Variants in PTPRN2 observed in about 807,000 individuals in gnomAD.
PTPRN2 encodes the protein protein tyrosine phosphatase receptor type N2.
A neutral mutation model predicts 118.8 loss-of-function variants in PTPRN2; 74 were observed. That is an observed-to-expected ratio of 0.62 (90% CI 0.52 to 0.76). PTPRN2 has a LOEUF of 0.76. Among genes scored for constraint, PTPRN2 ranks in the 30% least tolerant of loss-of-function variants. The pLI is 0.00. For missense variants in PTPRN2, 1,481 were observed against 1,394.4 expected (o/e 1.06, Z -0.99); for synonymous variants, 641 against 608.0 (o/e 1.05, Z -0.80).
intron 11 of PTPRN2, among the ~76,000 whole-genome samples, chr7:157,915,864 T>C (rs535772682): frequency 6.6e-6 from 1 of 152,304 alleles, no homozygotes; most frequent in East Asian, 1.9e-4. Flanking sequence ...GTTTTTGGAA[T>C]GAGGGTGAGT....
chr7:158,279,523 G>A (rs921488054), intron 3 of PTPRN2, among the ~76,000 whole-genome samples: 1 of 152,208 alleles, frequency 6.6e-6, no homozygotes, highest in Non-Finnish European at 1.5e-5. Flanking sequence ...GAAAGAGACA[G>A]AGACCCACCA....
At chr7:158,368,697 G>T (rs1809720879) in intron 2 of PTPRN2, among the ~76,000 whole-genome samples, 1 of 152,206 alleles carries the variant, frequency 6.6e-6, no homozygotes, top group Non-Finnish European at 1.5e-5. Context: ...ACAGCACTCA[G>T]CCCCCTCCCC....
chr7:158,423,512 CT>C, intron 2 of PTPRN2, among the ~76,000 whole-genome samples: 1 of 151,482 alleles, frequency 6.6e-6, no homozygotes, highest in South Asian at 2.1e-4. Context: ...GGGAAGAGGT[CT>C]CAGAGATTAG....
chr7:158,087,495 A>G (rs1208101663), intron 10 of PTPRN2, among the ~76,000 whole-genome samples: 2 of 152,236 alleles, frequency 1.3e-5, no homozygotes, highest in African/African-American at 2.4e-5. Flanking sequence ...TGACAGTCAA[A>G]TTCACTTACC....
In PTPRN2 at chr7:157,845,806, T is replaced by A. The variant is rs1808765751; in HGVS notation, c.1788+52867A>T. Among the ~76,000 whole-genome samples, 1 of 151,780 alleles carries A rather than the reference T, an allele frequency of 6.6e-6. No homozygotes were observed. Among genetic ancestry groups the A allele is most frequent in the African/African-American group, 2.4e-5 (1 of 41,296 alleles). ...ATGGGCAGAGGAAGGACAAGCAACG[T>A]GGGGCCATGGGGAGGGACGGAAGAC... On this transcript the variant is annotated intron_variant, in intron 12 of 22. Transcript: ENST00000389418. The surrounding 1 kb of genome is among the most constrained non-coding windows in gnomAD (Gnocchi z 4.5).
intron 12 of PTPRN2, among the ~76,000 whole-genome samples, chr7:157,752,014 C>A (rs909563911): frequency 6.6e-6 from 1 of 152,160 alleles, no homozygotes; most frequent in Non-Finnish European, 1.5e-5. Context: ...GATTTCTTGA[C>A]CCCTGAGGGT....
intron 16 of PTPRN2, among the ~76,000 whole-genome samples, chr7:157,595,813 A>G (rs1404573336): frequency 6.6e-6 from 1 of 152,228 alleles, no homozygotes; most frequent in Non-Finnish European, 1.5e-5. Flanking sequence ...GTAGGGACCC[A>G]GCTGTCCCGA....
At chr7:158,542,146 T>C (rs1335616918) in intron 1 of PTPRN2, among the ~76,000 whole-genome samples, 1 of 152,144 alleles carries the variant, frequency 6.6e-6, no homozygotes, top group African/African-American at 2.4e-5. Context: ...TTTTTTGTTG[T>C]TGTTGTTTTG....
rs375695889 is a variant in PTPRN2 at position 157,578,160 on chromosome 7, G to A, written c.2497-20C>T. On this transcript the variant is annotated intron_variant, in intron 17 of 22. Transcript: ENST00000389418. ...CACCATCTGCGGACAAAGAAGGCCC[G>A]TGGCCGCGGTGTGACTGTCTCATCA... is the stretch of plus-strand genomic sequence containing the variant. 1.2e-5 allele frequency: 19 copies of A among 1,593,890 alleles called. No individual in the cohort carries two copies. The highest frequency in any genetic ancestry group is 1.5e-5 in the Non-Finnish European group (18 of 1,167,330).
intron 12 of PTPRN2, among the ~76,000 whole-genome samples, chr7:157,877,215 C>G (rs1205329254): frequency 7.0e-6 from 1 of 142,598 alleles, no homozygotes; most frequent in African/African-American, 2.6e-5. Flanking sequence ...AGTGCAGCAC[C>G]AGGGTTTTCT....
intron 2 of PTPRN2, among the ~76,000 whole-genome samples, chr7:158,362,026 G>A (rs1011522210): frequency 3.3e-5 from 5 of 152,056 alleles, no homozygotes; most frequent in Admixed American, 2.0e-4. Flanking sequence ...TCTTTCCTCC[G>A]TCTGTCTGTC....
intron 3 of PTPRN2, among the ~76,000 whole-genome samples, chr7:158,251,815 GACAC>G (rs974790720): frequency 6.6e-6 from 1 of 152,094 alleles, no homozygotes; most frequent in Non-Finnish European, 1.5e-5. Context: ...ATAGAGCACA[GACAC>G]ACACCTTAAT....
intron 2 of PTPRN2, among the ~76,000 whole-genome samples, chr7:158,388,546 C>A (rs1305330687): frequency 6.6e-6 from 1 of 152,230 alleles, no homozygotes; most frequent in East Asian, 1.9e-4. Context: ...ACACGTCACA[C>A]CTGCCCTGGG....
At chr7:157,711,393 C>T (rs1302387184) in intron 12 of PTPRN2, among the ~76,000 whole-genome samples, 1 of 133,426 alleles carries the variant, frequency 7.5e-6, no homozygotes, top group Non-Finnish European at 1.6e-5. Flanking sequence ...GAGAGCCCCA[C>T]GCGCCGGAGG....
At chr7:157,724,068 C>T (rs936313498) in intron 12 of PTPRN2, among the ~76,000 whole-genome samples, 2 of 151,980 alleles carry the variant, frequency 1.3e-5, no homozygotes, top group East Asian at 3.9e-4. Context: ...GGAATTTAGG[C>T]TTCCCCCGTC....
rs567445854 is a variant in PTPRN2 at position 158,307,519 on chromosome 7, A to G, written c.277+9300T>C. The stretch of plus-strand genomic sequence containing the variant: ...AAGAATGAGGTAGAAAGAATATTTG[A>G]AGAAATAATGACCCAAAATTCCCAA... On this transcript the variant is annotated intron_variant, in intron 3 of 22. Transcript: ENST00000389418. Among the ~76,000 whole-genome samples the G allele has an allele frequency of 5.9e-5, 9 of 152,326 alleles. No individual in the cohort carries two copies. In the East Asian group the frequency reaches 1.7e-3, roughly 29 times the overall value.
intron 6 of PTPRN2, among the ~76,000 whole-genome samples, chr7:158,154,158 C>T (rs1260604159): frequency 6.6e-6 from 1 of 152,108 alleles, no homozygotes; most frequent in Admixed American, 6.6e-5. Flanking sequence ...GGCAGAAACC[C>T]TAAAAGATTC....
Position 158,361,317 on chromosome 7 carries a change from C to A in PTPRN2, c.164-44385G>T, listed in dbSNP as rs1808929848. On this transcript the variant is annotated intron_variant, in intron 2 of 22. Transcript: ENST00000389418. ...CCTGGCAACCCACAGACCCCGTGTC[C>A]ACCCTCACCTGGGACGACTCACAAA... Among the ~76,000 whole-genome samples, 14 of 80,410 alleles carry A rather than the reference C, an allele frequency of 1.7e-4. 5 individuals are homozygous for A. The highest frequency in any genetic ancestry group is 1.3e-3 in the South Asian group (2 of 1,582). The allele number at this position is 80,410 out of a possible 152,430, so 52.8% of individuals were successfully genotyped here. A position where few individuals can be genotyped will look rare whatever the true frequency, so the allele number is the denominator to read the frequency against.
At chr7:158,123,407 G>A (rs372254788) in intron 9 of PTPRN2, among the ~76,000 whole-genome samples, 39 of 152,242 alleles carry the variant, frequency 2.6e-4, no homozygotes, top group African/African-American at 7.5e-4. Context: ...GACCGACGCC[G>A]CAGTGACCGA....
Sources: gnomAD v4.1 joint callset for allele counts (sites outside exome capture counted in the v4.1 genomes callset) on GRCh38, gnomAD v4.1.1 for gene constraint, Gnocchi (gnomAD v3.1) non-coding constraint, MANE v1.5 for transcripts, NCBI Gene and HGNC (gene_info 2026-07-23, HGNC 2026-07-21) for gene names.